Variants in PTGER3 observed in about 807,000 individuals in gnomAD.
The protein encoded by PTGER3 is prostaglandin E2 receptor EP3 subtype.
A neutral mutation model predicts 34.7 loss-of-function variants in PTGER3; 22 were observed. The ratio of observed to expected loss-of-function variants is 0.63; its 90% CI spans 0.45 to 0.91. PTGER3 has a LOEUF of 0.91. Ranked by LOEUF, PTGER3 falls within the 40% of genes least tolerant of loss-of-function variation. PTGER3 has a pLI of 0.00. For missense variants in PTGER3, 468 were observed against 519.4 expected (o/e 0.90, Z 0.96); for synonymous variants, 241 against 230.1 (o/e 1.05, Z -0.43).
At chr1:71,027,735 T>G (rs898602872) in intron 1 of PTGER3, among the ~76,000 whole-genome samples, 3 of 152,272 alleles carry the variant, frequency 2.0e-5, no homozygotes, top group African/African-American at 7.2e-5. Context: ...AGATTTTTTT[T>G]AAAAAAGTAA....
chr1:71,011,754 C>G, intron 2 of PTGER3: 1 of 984,644 alleles, frequency 1.0e-6, no homozygotes, highest in Non-Finnish European at 1.2e-6. Flanking sequence ...TTAAACTTTT[C>G]TTTAATGTAA....
intron 4 of PTGER3, among the ~76,000 whole-genome samples, chr1:70,930,338 T>G: frequency 6.6e-6 from 1 of 152,178 alleles, no homozygotes; most frequent in East Asian, 1.9e-4. Context: ...CAAAGCCTCT[T>G]ATTATCTTGT....
At chr1:70,948,464 C>T (rs373147698), downstream of PTGER3, among the ~76,000 whole-genome samples, 2 of 152,132 alleles carry the variant, frequency 1.3e-5, no homozygotes, top group South Asian at 2.1e-4. Flanking sequence ...GTCAATTAAA[C>T]CTCTTTCCTT....
At chr1:70,982,859 A>G (rs1302265492) in intron 2 of PTGER3, among the ~76,000 whole-genome samples, 1 of 152,118 alleles carries the variant, frequency 6.6e-6, no homozygotes, top group Non-Finnish European at 1.5e-5. Context: ...TAGGTGATAG[A>G]GTTGTTAATT....
intron 4 of PTGER3, among the ~76,000 whole-genome samples, chr1:70,895,790 T>A (rs1412394284): frequency 1.3e-5 from 2 of 152,230 alleles, no homozygotes; most frequent in Non-Finnish European, 2.9e-5. Flanking sequence ...GTGTCTGTTA[T>A]CACATGTAAG....
intron 2 of PTGER3, among the ~76,000 whole-genome samples, chr1:70,994,446 AGT>A (rs1482572705): frequency 1.4e-5 from 2 of 143,480 alleles, no homozygotes; most frequent in South Asian, 4.6e-4. Context: ...CAATGTGGTA[AGT>A]CTGTAAACCT....
chr1:70,958,317 C>T (rs531729585), intron 2 of PTGER3, among the ~76,000 whole-genome samples: 1 of 152,262 alleles, frequency 6.6e-6, no homozygotes, highest in African/African-American at 2.4e-5. Flanking sequence ...TTCCACCAAT[C>T]GTGTGTAAGA....
intron 4 of PTGER3, among the ~76,000 whole-genome samples, chr1:70,898,498 C>T (rs1646770243): frequency 1.3e-5 from 2 of 152,184 alleles, no homozygotes; most frequent in Admixed American, 6.5e-5. Flanking sequence ...AGTCTTCCAT[C>T]AGTGCTGCTG....
chr1:70,947,660 C>G (rs188579186), downstream of PTGER3, among the ~76,000 whole-genome samples: 191 of 152,272 alleles, frequency 1.3e-3, no homozygotes, highest in African/African-American at 4.2e-3. Context: ...GGACAATGCA[C>G]AAACCCAGGC....
downstream of PTGER3, among the ~76,000 whole-genome samples, chr1:70,950,280 G>A (rs1195455450): frequency 6.6e-6 from 1 of 152,106 alleles, no homozygotes; most frequent in African/African-American, 2.4e-5. Context: ...ACAATCAGCT[G>A]TCTAATAGTT....
At chr1:71,014,247 C>T (rs1016577693) in intron 1 of PTGER3, among the ~76,000 whole-genome samples, 1 of 152,176 alleles carries the variant, frequency 6.6e-6, no homozygotes, top group South Asian at 2.1e-4. Context: ...AATTCAACAT[C>T]CCTGAGCATC....
At chr1:71,008,430 T>C in intron 2 of PTGER3, 1 of 888,186 alleles carries the variant, frequency 1.1e-6, no homozygotes, top group Non-Finnish European at 1.3e-6. Flanking sequence ...AGAATCTTCA[T>C]TTTAGGAATT....
At chr1:71,009,727 T>C (rs949858632) in intron 2 of PTGER3, 4 of 985,102 alleles carry the variant, frequency 4.1e-6, no homozygotes, top group South Asian at 4.7e-5. Flanking sequence ...AATTCAGGAA[T>C]TGTCATAATC....
intron 4 of PTGER3, among the ~76,000 whole-genome samples, chr1:70,934,707 C>A (rs963976295): frequency 4.1e-4 from 63 of 152,112 alleles, no homozygotes; most frequent in Non-Finnish European, 8.2e-4. Context: ...ATTTGCCTAC[C>A]TCAATGTGAA....
At position 70,988,386 on chromosome 1, in the gene PTGER3, T is replaced by C. The variant is rs555944919; in HGVS notation, c.1078-13998A>G. On this transcript the variant is annotated intron_variant, in intron 2 of 3. Transcript: ENST00000306666. ...TTCTACCAGAGCCCTGATTATGAGG[T>C]GGATACCGACTAAAACACTGCATTT... 5.9e-5 allele frequency among the ~76,000 whole-genome samples: 9 copies of C among 152,282 alleles called. No homozygotes were observed. The East Asian group carries it at 9.7e-4, about 16-fold the overall frequency.
At position 70,922,513 on chromosome 1, in the gene PTGER3, A is replaced by T. The variant is rs542802694; in HGVS notation, c.*23+31250T>A. Reference sequence around the variant, plus strand: ...GGTAAGGCCTGGGACATGTGGAGTTAGCCATGCCCACTAGCTGTGCTGGAA... The same window carrying T: ...GGTAAGGCCTGGGACATGTGGAGTTTGCCATGCCCACTAGCTGTGCTGGAA... On this transcript the variant is annotated intron_variant, in intron 4 of 4. Transcript: ENST00000370931. 2.6e-5 allele frequency among the ~76,000 whole-genome samples: 4 copies of T among 152,298 alleles called. No individual in the cohort carries two copies. In the South Asian group the frequency reaches 8.3e-4, roughly 32 times the overall value.
chr1:70,913,699 AT>A (rs1051029595), intron 4 of PTGER3, among the ~76,000 whole-genome samples: 18 of 151,674 alleles, frequency 1.2e-4, no homozygotes, highest in South Asian at 2.1e-4. Context: ...ATAAATATAG[AT>A]TTTTTTTCGA....
downstream of PTGER3, among the ~76,000 whole-genome samples, chr1:70,949,713 G>A (rs1384089822): frequency 6.6e-6 from 1 of 152,148 alleles, no homozygotes; most frequent in Non-Finnish European, 1.5e-5. Flanking sequence ...GGCACAGGTA[G>A]GTGAAGGTCT....
intron 4 of PTGER3, among the ~76,000 whole-genome samples, chr1:70,883,398 T>C (rs181958113): frequency 1.3e-5 from 2 of 152,346 alleles, no homozygotes; most frequent in East Asian, 3.9e-4. Flanking sequence ...CCTTAAATAT[T>C]TAAGCACATT....
Sources: gnomAD v4.1 joint callset for allele counts (sites outside exome capture counted in the v4.1 genomes callset) on GRCh38, gnomAD v4.1.1 for gene constraint, MANE v1.5 for transcripts, NCBI Gene and HGNC (gene_info 2026-07-23, HGNC 2026-07-21) for gene names.